Variants in ACTA1 observed in about 807,000 individuals in gnomAD.
ACTA1 encodes actin, alpha skeletal muscle.
A neutral mutation model predicts 35.8 loss-of-function variants in ACTA1; 25 were observed. The ratio of observed to expected loss-of-function variants is 0.70; its 90% CI spans 0.51 to 0.97. ACTA1 has a LOEUF of 0.97. ACTA1 is among the 50% of genes least tolerant of loss of function. The pLI is 0.00. For synonymous variants in ACTA1, 219 were observed against 217.1 expected (o/e 1.01, Z -0.08); for missense variants, 174 against 533.0 (o/e 0.33, Z 6.63).
At position 229,432,414 on chromosome 1, in the gene ACTA1, C is replaced by A; in HGVS notation, c.472G>T (p.Gly158Cys). The A allele has an allele frequency of 1.2e-6, 2 of 1,611,418 alleles. No individual in the cohort carries two copies. Among genetic ancestry groups the A allele is most frequent in the Non-Finnish European group, 1.7e-6 (2 of 1,179,468 alleles). Residue 158 changes from glycine (G) to cysteine (C), a missense_variant, in exon 4 of 7, where the codon GGC becomes TGC. Transcript: ENST00000366684. ...GGCACGTTGTGGGTGACGCCGTCGC[C>A]GGAGTCCAGCACGATGCCTGTGCGC... Reference protein sequence around the residue: ...GRTTGIVLDSGDGVTHNVPIY... With the variant: ...GRTTGIVLDSCDGVTHNVPIY...
chr1:229,433,158 C>T, intron 1 of ACTA1, 31 bp from the exon 2 acceptor site: 1 of 1,612,800 alleles, frequency 6.2e-7, no homozygotes, highest in Non-Finnish European at 8.5e-7. Flanking sequence ...CGAAGAGGCG[C>T]GGTGCATCAG....
In ACTA1 at chr1:229,432,439, C is replaced by T. The variant is rs1456352180; in HGVS notation, c.455-8G>A. 4.4e-6 allele frequency: 7 copies of T among 1,590,128 alleles called. No individual in the cohort carries two copies. The South Asian group carries it at 5.5e-5, about 13-fold the overall frequency. On this transcript the variant is annotated splice_region_variant and splice_polypyrimidine_tract_variant and intron_variant, in intron 3 of 6. Transcript: ENST00000366684. ...CGGAGTCCAGCACGATGCCTGTGCGCGCGCGGGAGAGAGTGAGTGGCTGGG... is the reference window on the plus strand; with the variant it reads ...CGGAGTCCAGCACGATGCCTGTGCGTGCGCGGGAGAGAGTGAGTGGCTGGG...
chr1:229,431,969 C>A lies in ACTA1; in HGVS notation c.808+25G>T. ...CCGGGGGCCGGCGGGGCCTGGGGGC[C>A]GGGGCGAGGGCGAGCGGGGCTCACC... On this transcript the variant is annotated intron_variant, in intron 5 of 6. Transcript: ENST00000366684. The surrounding 1 kb of genome is among the most constrained non-coding windows in gnomAD (Gnocchi z 7.1). 5 of 1,603,060 alleles carry A rather than the reference C, an allele frequency of 3.1e-6. No homozygotes were observed. The highest frequency in any genetic ancestry group is 4.3e-6 in the Non-Finnish European group (5 of 1,174,956).
chr1:229,431,505 G>A lies in ACTA1; in HGVS notation c.1128C>T (p.Cys376=), dbSNP rs1659932688. The A allele has an allele frequency of 1.2e-6, 2 of 1,613,194 alleles. No individual in the cohort carries two copies. The highest frequency in any genetic ancestry group is 1.9e-4 in the Middle Eastern group (1 of 5,276). The change falls in exon 7 of 7, where the codon TGC becomes TGT. Residue 376 remains cysteine (C), a synonymous_variant. Transcript: ENST00000366684. This position sits in a 1 kb window ranked among gnomAD's most constrained non-coding sequence, Gnocchi z 7.1. ...TGCTGGAGGTGGAGTGTGTCTAGAAGCATTTGCGGTGGACGATGGAAGGGC... is the reference window on the plus strand; with the variant it reads ...TGCTGGAGGTGGAGTGTGTCTAGAAACATTTGCGGTGGACGATGGAAGGGC... The part of the protein sequence containing the change: ...EAGPSIVHRK[C]F
chr1:229,431,306 G>A lies in ACTA1; in HGVS notation c.*193C>T, dbSNP rs937916985. 3.9e-6 allele frequency: 3 copies of A among 774,738 alleles called. No homozygotes were observed. Among genetic ancestry groups the A allele is most frequent in the African/African-American group, 3.5e-5 (2 of 57,890 alleles). 48.0% of individuals were successfully genotyped at this position (774,738 alleles called of 1,614,324 possible). On this transcript the variant is annotated 3_prime_UTR_variant, in exon 7 of 7. Coordinates refer to ENST00000366684, the MANE Select transcript of ACTA1 (RefSeq NM_001100.4). The surrounding 1 kb of genome is among the most constrained non-coding windows in gnomAD (Gnocchi z 7.1). The stretch of plus-strand genomic sequence containing the variant: ...CAAGTTTTCCATTTTCTTCCACAGG[G>A]CTTTGTTTCGAAAAATAACAAAATG...
At chr1:229,432,530 G>C in intron 3 of ACTA1, 26 bp downstream of exon 3, 1 of 1,580,532 alleles carries the variant, frequency 6.3e-7, no homozygotes, top group Non-Finnish European at 8.6e-7. Context: ...GGGCGGGAGA[G>C]GGGACTGGGG....
In ACTA1 at chr1:229,432,712, G is replaced by A. The variant is rs745725899; in HGVS notation, c.298C>T (p.Pro100Ser). 5.6e-6 allele frequency: 9 copies of A among 1,614,196 alleles called. No individual in the cohort carries two copies. Among genetic ancestry groups the A allele is most frequent in the Non-Finnish European group, 7.6e-6 (9 of 1,180,034 alleles). ...HTFYNELRVA[P>S]EEHPTLLTEA... ...GTGAGCAGGGTGGGGTGCTCCTCGG[G>A]AGCCACGCGAAGCTCGTTGTAGAAG... The change falls in exon 3 of 7, where the codon CCC (proline) becomes TCC (serine). Residue 100 changes from proline (P) to serine (S), a missense_variant. By Grantham distance (74) the Pro-to-Ser change is moderately conservative. Coordinates refer to ENST00000366684, the MANE Select transcript of ACTA1 (RefSeq NM_001100.4).
At position 229,432,845 on chromosome 1, in the gene ACTA1, G is replaced by A. The variant is rs773619580; in HGVS notation, c.165C>T (p.Tyr55=). 6 of 1,614,068 alleles carry A rather than the reference G, an allele frequency of 3.7e-6. No homozygotes were observed. The highest frequency in any genetic ancestry group is 5.1e-6 in the Non-Finnish European group (6 of 1,180,028). The change falls in exon 3 of 7, where the codon TAC becomes TAT. Residue 55 remains tyrosine, a synonymous_variant. Transcript: ENST00000366684. ...VMVGMGQKDS[Y]VGDEAQSKRG... ...TCTTGCTCTGAGCCTCGTCGCCCAC[G>A]TAGGAATCTTTCTGACCCATACCGA...
In ACTA1 at chr1:229,432,266, G is replaced by C. The variant is rs371799971; in HGVS notation, c.616+4C>G. Reference sequence around the variant, plus strand: ...CCCGCCCGGGGTGCAGGGGCGCCGCGCACCTGTGGTCACGAAGGAGTAGCC... The same window carrying C: ...CCCGCCCGGGGTGCAGGGGCGCCGCCCACCTGTGGTCACGAAGGAGTAGCC... On this transcript the variant is annotated splice_donor_region_variant and intron_variant, in intron 4 of 6. Coordinates refer to ENST00000366684, the MANE Select transcript of ACTA1 (RefSeq NM_001100.4). 4.1e-5 allele frequency: 66 copies of C among 1,613,628 alleles called. No individual in the cohort carries two copies. The African/African-American group carries it at 8.1e-4, about 20-fold the overall frequency.
chr1:229,431,709 G>A lies in ACTA1; in HGVS notation c.990+12C>T, dbSNP rs764547391. 4 of 1,614,098 alleles carry A rather than the reference G, an allele frequency of 2.5e-6. No homozygotes were observed. The highest frequency in any genetic ancestry group is 3.4e-6 in the Non-Finnish European group (4 of 1,180,014). ...CCCACCCCGCCGACAGCCCGCGCAG[G>A]CCACCACCCACCTTGATCTTCATGG... On this transcript the variant is annotated intron_variant, in intron 6 of 6. Coordinates refer to ENST00000366684, the MANE Select transcript of ACTA1 (RefSeq NM_001100.4). This position sits in a 1 kb window ranked among gnomAD's most constrained non-coding sequence, Gnocchi z 7.1.
chr1:229,431,436 A>T lies in ACTA1; in HGVS notation c.*63T>A. The T allele has an allele frequency of 6.2e-7, 1 of 1,609,914 alleles. No homozygotes were observed. Among genetic ancestry groups the T allele is most frequent in the Non-Finnish European group, 8.5e-7 (1 of 1,177,924 alleles). ...AGTGACTGCGGGGTGGCTGGAGCTC[A>T]GCCGCCCCCCCATTGAGAAGATTCG... is the stretch of plus-strand genomic sequence containing the variant. On this transcript the variant is annotated 3_prime_UTR_variant, in exon 7 of 7. Coordinates refer to ENST00000366684, the MANE Select transcript of ACTA1 (RefSeq NM_001100.4). The surrounding 1 kb of genome is among the most constrained non-coding windows in gnomAD (Gnocchi z 7.1).
rs547455787 is a variant in ACTA1 at position 229,431,820 on chromosome 1, G to C, written c.891C>G (p.Ala297=). The C allele has an allele frequency of 6.2e-7, 1 of 1,614,188 alleles. No homozygotes were observed. Among genetic ancestry groups the C allele is most frequent in the Non-Finnish European group, 8.5e-7 (1 of 1,180,026 alleles). ...TGGTGCCCCCCGACATGACGTTGTT[G>C]GCATACAGGTCCTTCCTGATGTCGA... ...CDIDIRKDLY[A]NNVMSGGTTM... is the part of the protein sequence containing the mutation. The change falls in exon 6 of 7, where the codon GCC becomes GCG. Residue 297 remains alanine, a synonymous_variant. Transcript: ENST00000366684. The surrounding 1 kb of genome is among the most constrained non-coding windows in gnomAD (Gnocchi z 7.1).
In ACTA1 at chr1:229,431,718, C is replaced by T. The variant is rs549197605; in HGVS notation, c.990+3G>A. 1 of 1,614,176 alleles carries T rather than the reference C, an allele frequency of 6.2e-7. No homozygotes were observed. The highest frequency in any genetic ancestry group is 1.1e-5 in the South Asian group (1 of 91,088). On this transcript the variant is annotated splice_donor_region_variant and intron_variant, in intron 6 of 6. Transcript: ENST00000366684. The surrounding 1 kb of genome is among the most constrained non-coding windows in gnomAD (Gnocchi z 7.1). ...CCGACAGCCCGCGCAGGCCACCACC[C>T]ACCTTGATCTTCATGGTGCTGGGTG...
Position 229,431,410 on chromosome 1 carries a change from A to T in ACTA1, c.*89T>A. 6.4e-7 allele frequency: 1 copy of T among 1,568,200 alleles called. No individual in the cohort carries two copies. Among genetic ancestry groups the T allele is most frequent in the East Asian group, 2.2e-5 (1 of 44,676 alleles). ...GCAGCAACGGAAGTTGTTACAAAGA[A>T]AGTGACTGCGGGGTGGCTGGAGCTC... On this transcript the variant is annotated 3_prime_UTR_variant, in exon 7 of 7. Coordinates refer to ENST00000366684, the MANE Select transcript of ACTA1 (RefSeq NM_001100.4). This position sits in a 1 kb window ranked among gnomAD's most constrained non-coding sequence, Gnocchi z 7.1.
At position 229,431,441 on chromosome 1, in the gene ACTA1, C is replaced by G. The variant is rs1476764505; in HGVS notation, c.*58G>C. ...CTGCGGGGTGGCTGGAGCTCAGCCG[C>G]CCCCCCATTGAGAAGATTCGTCGTC... On this transcript the variant is annotated 3_prime_UTR_variant, in exon 7 of 7. Transcript: ENST00000366684. This position sits in a 1 kb window ranked among gnomAD's most constrained non-coding sequence, Gnocchi z 7.1. 1.2e-6 allele frequency: 2 copies of G among 1,607,322 alleles called. No homozygotes were observed. The highest frequency in any genetic ancestry group is 2.7e-5 in the African/African-American group (2 of 73,082).
intron 1 of ACTA1, 133 bp from the exon 2 acceptor site, chr1:229,433,260 C>G: frequency 1.5e-6 from 2 of 1,329,804 alleles, no homozygotes; most frequent in Non-Finnish European, 2.1e-6. Flanking sequence ...GCCGGAGCCA[C>G]TCAAATTCTG....
chr1:229,433,553 G>C (rs1046888121), intron 1 of ACTA1, among the ~76,000 whole-genome samples: 3 of 152,224 alleles, frequency 2.0e-5, no homozygotes, highest in Admixed American at 2.0e-4. Flanking sequence ...GAGGGTGGAA[G>C]GAGATGCCCA....
chr1:229,432,851 A>G lies in ACTA1; in HGVS notation c.159T>C (p.Asp53=), dbSNP rs1571893948. The G allele has an allele frequency of 6.2e-7, 1 of 1,614,110 alleles. No individual in the cohort carries two copies. Among genetic ancestry groups the G allele is most frequent in the Non-Finnish European group, 8.5e-7 (1 of 1,180,012 alleles). ...TCTGAGCCTCGTCGCCCACGTAGGA[A>G]TCTTTCTGACCCATACCGACCATGA... The part of the protein sequence containing the change: ...QGVMVGMGQK[D]SYVGDEAQSK... The change falls in exon 3 of 7, where the codon GAT becomes GAC. Residue 53 remains aspartate, a synonymous_variant. Coordinates refer to ENST00000366684, the MANE Select transcript of ACTA1 (RefSeq NM_001100.4).
rs1659985609 is a variant in ACTA1, at chr1:229,433,038, A to G, written c.78T>C (p.Asp26=). The change falls in exon 2 of 7, where the codon GAT becomes GAC. Residue 26 remains aspartate (D), a synonymous_variant. Coordinates refer to ENST00000366684, the MANE Select transcript of ACTA1 (RefSeq NM_001100.4). ...ACGGGAACACGGCCCTAGGGGCGTC[A>G]TCCCCGGCGAAGCCGGCTTTCACCA... ...SGLVKAGFAG[D]DAPRAVFPSI... is the part of the protein sequence containing the mutation. The G allele has an allele frequency of 3.1e-6, 5 of 1,613,778 alleles. No homozygotes were observed. In the African/African-American group the frequency reaches 5.3e-5, roughly 17 times the overall value.
Sources: gnomAD v4.1 joint callset for allele counts (sites outside exome capture counted in the v4.1 genomes callset) on GRCh38, gnomAD v4.1.1 for gene constraint, Gnocchi (gnomAD v3.1) non-coding constraint, MANE v1.5 for transcripts, NCBI Gene and HGNC (gene_info 2026-07-23, HGNC 2026-07-21) for gene names.